The following TTPAL variants were observed in gnomAD, a reference collection of about 807,000 sequenced individuals.
TTPAL encodes alpha tocopherol transfer protein like.
In TTPAL, 21 loss-of-function variants were observed where a neutral mutation model predicts 28.7. That is an observed-to-expected ratio of 0.73 (90% CI 0.52 to 1.06). The LOEUF is 1.06. TTPAL is among the 50% of genes least tolerant of loss of function. The probability of loss-of-function intolerance (pLI) is 0.00; values close to 1 mark genes in which losing one functional copy is unlikely to be tolerated. For missense variants in TTPAL, 345 were observed against 425.5 expected, an observed-to-expected ratio of 0.81 and a Z score of 1.67; for synonymous variants, 169 against 171.9, an observed-to-expected ratio of 0.98 and a Z score of 0.13.
At chr20:44,478,930 C>T (rs2064072490) in intron 1 of TTPAL, among the ~76,000 whole-genome samples, 1 of 152,208 alleles carries the variant, frequency 6.6e-6, no homozygotes, top group African/African-American at 2.4e-5. Context: ...GCTGGGACTA[C>T]AGGCACCTGC....
Position 44,489,575 on chromosome 20 carries a change from T to C in TTPAL, c.*34T>C. 1 of 1,587,098 alleles carries C rather than the reference T, an allele frequency of 6.3e-7. No individual in the cohort carries two copies. Among genetic ancestry groups the C allele is most frequent in the Middle Eastern group, 1.7e-4 (1 of 5,940 alleles). ...CCAGGGTCACCATCTTTAATTCTTT[T>C]CCTTCTTTTCTTTGGAGAGGCACAA... is the stretch of plus-strand genomic sequence containing the variant. On this transcript the variant is annotated 3_prime_UTR_variant, in exon 5 of 5. Transcript: ENST00000262605.
At chr20:44,486,959 G>T (rs372598741) in intron 4 of TTPAL, among the ~76,000 whole-genome samples, 1 of 152,154 alleles carries the variant, frequency 6.6e-6, no homozygotes, top group African/African-American at 2.4e-5. Context: ...AGTATAGCAA[G>T]ACTCATCTCT....
rs184610515 is a variant in TTPAL, at chr20:44,488,949, G to T, written c.751-314G>T. Among the ~76,000 whole-genome samples the T allele has an allele frequency of 1.9e-3, 291 of 152,302 alleles. 1 individual carries two copies. Among genetic ancestry groups the T allele is most frequent in the African/African-American group, 6.4e-3 (268 of 41,552 alleles). ...TGCAGAGGGACAAGAGTGGGAGCAG[G>T]GAGACCAGATAGGAGGCCACTGGAG... is the stretch of plus-strand genomic sequence containing the variant. On this transcript the variant is annotated intron_variant, in intron 4 of 4. Transcript: ENST00000262605.
chr20:44,479,997 C>G lies in TTPAL; in HGVS notation c.-3C>G. On this transcript the variant is annotated 5_prime_UTR_variant, in exon 2 of 5. Transcript: ENST00000262605. ...TCTCTGTTGGCAGGGACCTTGGTAG[C>G]TAATGTCCGAAGAAAGTGACTCTCT... The G allele has an allele frequency of 1.2e-6, 2 of 1,611,464 alleles. No homozygotes were observed. Among genetic ancestry groups the G allele is most frequent in the Non-Finnish European group, 1.7e-6 (2 of 1,178,244 alleles).
In TTPAL at chr20:44,489,554, G is replaced by A; in HGVS notation, c.*13G>A. The A allele has an allele frequency of 6.2e-7, 1 of 1,606,372 alleles. No individual in the cohort carries two copies. The highest frequency in any genetic ancestry group is 8.5e-7 in the Non-Finnish European group (1 of 1,175,232). ...CTCCTGCTACTAGCCCGTCCCCCAG[G>A]GTCACCATCTTTAATTCTTTTCCTT... On this transcript the variant is annotated 3_prime_UTR_variant, in exon 5 of 5. Coordinates refer to ENST00000262605, the MANE Select transcript of TTPAL (RefSeq NM_001039199.3).
rs1481155239 is a variant in TTPAL at position 44,480,308 on chromosome 20, C to T, written c.309C>T (p.His103=). The T allele has an allele frequency of 2.5e-6, 4 of 1,614,106 alleles. No homozygotes were observed. Among genetic ancestry groups the T allele is most frequent in the Admixed American group, 1.7e-5 (1 of 60,000 alleles). ...DRALQLLVNY[H]SCRRSWPEVF... ...CCCTGCAGCTCCTCGTCAACTACCACAGCTGTAGAAGAAGCTGGCCCGAAG... is the reference window on the plus strand; with the variant it reads ...CCCTGCAGCTCCTCGTCAACTACCATAGCTGTAGAAGAAGCTGGCCCGAAG... The change falls in exon 2 of 5, where the codon CAC becomes CAT. Residue 103 remains histidine, a synonymous_variant. Coordinates refer to ENST00000262605, the MANE Select transcript of TTPAL (RefSeq NM_001039199.3). This position sits in a 1 kb window ranked among gnomAD's most constrained non-coding sequence, Gnocchi z 4.1.
At position 44,489,305 on chromosome 20, in the gene TTPAL, C is replaced by T. The variant is rs199850704; in HGVS notation, c.793C>T (p.Leu265Phe). 4 of 1,614,158 alleles carry T rather than the reference C, an allele frequency of 2.5e-6. No homozygotes were observed. The highest frequency in any genetic ancestry group is 2.2e-5 in the East Asian group (1 of 44,884). The stretch of plus-strand genomic sequence containing the variant: ...TGACTTGAACTCTCTCCACACAAAC[C>T]TTCCAAGAAGCATCCTCCCCAAGGA... ...GSDLNSLHTN[L>F]PRSILPKEYG... The change falls in exon 5 of 5, where the codon CTT (leucine) becomes TTT (phenylalanine). Residue 265 changes from leucine to phenylalanine, a missense_variant. Leu to Phe is a conservative substitution (Grantham distance 22, BLOSUM62 0). Transcript: ENST00000262605.
At chr20:44,478,832 C>T (rs1449360817) in intron 1 of TTPAL, among the ~76,000 whole-genome samples, 4 of 152,230 alleles carry the variant, frequency 2.6e-5, no homozygotes, top group African/African-American at 4.8e-5. Flanking sequence ...TGCTCTGTCA[C>T]CCAGGTGGGA....
chr20:44,485,070 G>A (rs981125863), intron 3 of TTPAL, among the ~76,000 whole-genome samples: 1 of 152,144 alleles, frequency 6.6e-6, no homozygotes, highest in African/African-American at 2.4e-5. Context: ...CTGAGATCGC[G>A]CCATTGCACT....
At chr20:44,488,399 T>C (rs1044552934) in intron 4 of TTPAL, among the ~76,000 whole-genome samples, 2 of 152,194 alleles carry the variant, frequency 1.3e-5, no homozygotes, top group South Asian at 4.1e-4. Context: ...TGTTCCTTCA[T>C]AGGTTCCTTT....
intron 1 of TTPAL, among the ~76,000 whole-genome samples, chr20:44,476,948 T>G (rs996210175): frequency 3.3e-5 from 5 of 152,188 alleles, no homozygotes; most frequent in African/African-American, 1.2e-4. Context: ...AGGAACCCAG[T>G]TCTGTGGAAA....
Position 44,480,279 on chromosome 20 carries a change from CGGG to C in TTPAL, c.281_283del (p.Arg94_Ala95delinsPro), listed in dbSNP as rs1209440309. The C allele has an allele frequency of 6.2e-7, 1 of 1,614,042 alleles. No homozygotes were observed. ...CCGAGCCCGCAAGTTTGATTACGAC[CGGG>C]CCCTGCAGCTCCTCGTCAACTACCA... On this transcript the variant is annotated inframe_deletion, in exon 2 of 5. Transcript: ENST00000262605. The surrounding 1 kb of genome is among the most constrained non-coding windows in gnomAD (Gnocchi z 4.1).
rs2064228980 is a variant in TTPAL, at chr20:44,493,731, A to C, written c.*4190A>C. The C allele has an allele frequency of 6.6e-6, 1 of 152,346 alleles. No individual in the cohort carries two copies. The highest frequency in any genetic ancestry group is 2.4e-5 in the African/African-American group (1 of 41,514). The allele number at this position is 152,346 out of a possible 1,614,324, so 9.4% of individuals were successfully genotyped here. ...TGTATTGGGATCTGTTAATTTTGTA[A>C]ATCTAAATTCTTCTGCTCTTGGCCA... On this transcript the variant is annotated 3_prime_UTR_variant, in exon 5 of 5. Coordinates refer to ENST00000262605, the MANE Select transcript of TTPAL (RefSeq NM_001039199.3).
At chr20:44,481,508 G>A (rs946559393) in intron 2 of TTPAL, among the ~76,000 whole-genome samples, 2 of 152,172 alleles carry the variant, frequency 1.3e-5, no homozygotes, top group Non-Finnish European at 2.9e-5. Flanking sequence ...ATTAAACTTT[G>A]GAATGTTCTA....
In TTPAL at chr20:44,486,612, G is replaced by A. The variant is rs1314204418; in HGVS notation, c.656G>A (p.Arg219Gln). 1.9e-6 allele frequency: 3 copies of A among 1,610,368 alleles called. No homozygotes were observed. Among genetic ancestry groups the A allele is most frequent in the Non-Finnish European group, 2.5e-6 (3 of 1,178,430 alleles). Residue 219 changes from arginine (R) to glutamine (Q), a missense_variant, in exon 4 of 5, where the codon CGG (arginine) becomes CAG (glutamine). Coordinates refer to ENST00000262605, the MANE Select transcript of TTPAL (RefSeq NM_001039199.3). ...CCCACACAGGATGGTTTCCCCATTC[G>A]GATAAAAGCAGTCCATGTGGTGAAT... ...IGILQDGFPI[R>Q]IKAVHVVNEP...
chr20:44,489,667 C>T lies in TTPAL; in HGVS notation c.*126C>T. The T allele has an allele frequency of 9.2e-7, 1 of 1,090,782 alleles. No homozygotes were observed. The highest frequency in any genetic ancestry group is 1.7e-5 in the South Asian group (1 of 60,128). 67.6% of individuals were successfully genotyped at this position (1,090,782 alleles called of 1,614,324 possible). ...ATTAAACTGCAGGATGGAGGAACAG[C>T]CTGAGATATGAGCATGAGCCCATTT... On this transcript the variant is annotated 3_prime_UTR_variant, in exon 5 of 5. Coordinates refer to ENST00000262605, the MANE Select transcript of TTPAL (RefSeq NM_001039199.3).
At position 44,494,276 on chromosome 20, in the gene TTPAL, C is replaced by T. The variant is rs1362713200; in HGVS notation, c.*4735C>T. 1.3e-5 allele frequency: 2 copies of T among 152,688 alleles called. No individual in the cohort carries two copies. The highest frequency in any genetic ancestry group is 4.8e-5 in the African/African-American group (2 of 41,414). 9.5% of individuals were successfully genotyped at this position (152,688 alleles called of 1,614,324 possible). On this transcript the variant is annotated 3_prime_UTR_variant, in exon 5 of 5. Coordinates refer to ENST00000262605, the MANE Select transcript of TTPAL (RefSeq NM_001039199.3). Reference sequence around the variant, plus strand: ...CTGCTGTGGATTCTTGTAGCTATGCCTCGGCTTCTTGGCATATCAGGTAGG... The same window carrying T: ...CTGCTGTGGATTCTTGTAGCTATGCTTCGGCTTCTTGGCATATCAGGTAGG...
rs1156786461 is a variant in TTPAL, at chr20:44,491,374, CTGTGT to C, written c.*1839_*1843del. ...TCATGGTGTTAAATAGTGAAAAGTA[CTGTGT>C]TGTGTGTGCACCTTCTCCGTGCATT... On this transcript the variant is annotated 3_prime_UTR_variant, in exon 5 of 5. Transcript: ENST00000262605. 8 of 152,322 alleles carry C rather than the reference CTGTGT, an allele frequency of 5.3e-5. No homozygotes were observed. The highest frequency in any genetic ancestry group is 1.7e-4 in the African/African-American group (7 of 41,520). 9.4% of individuals were successfully genotyped at this position (152,322 alleles called of 1,614,324 possible). A position where few individuals can be genotyped will look rare whatever the true frequency, so the allele number is the denominator to read the frequency against.
intron 2 of TTPAL, among the ~76,000 whole-genome samples, chr20:44,484,063 G>A (rs1368476024): frequency 2.0e-5 from 3 of 152,150 alleles, no homozygotes; most frequent in African/African-American, 7.2e-5. Flanking sequence ...CCAAAGTACT[G>A]GGATTACAGG....
Sources: allele counts gnomAD v4.1 joint callset (sites outside exome capture counted in the v4.1 genomes callset), GRCh38; gene constraint gnomAD v4.1.1; non-coding constraint Gnocchi (gnomAD v3.1); transcripts MANE v1.5; gene names NCBI Gene and HGNC (gene_info 2026-07-23, HGNC 2026-07-21).